HMCN2: variants seen among roughly 807,000 people sequenced by gnomAD.
HMCN2 encodes the protein hemicentin 2, also known as hemicentin-2.
HMCN2 carries 325 observed loss-of-function variants against 377.5 expected under a neutral mutation model. That is an observed-to-expected ratio of 0.86 (90% CI 0.79 to 0.94). HMCN2 has a LOEUF of 0.94. Among genes scored for constraint, HMCN2 ranks in the 40% least tolerant of loss-of-function variants. HMCN2 has a pLI of 0.00. For synonymous variants in HMCN2, 2,007 were observed against 2,046.8 expected, an observed-to-expected ratio of 0.98 and a Z score of 0.53; for missense variants, 4,543 against 4,725.3, an observed-to-expected ratio of 0.96 and a Z score of 1.13.
In HMCN2 at chr9:130,425,698, G is replaced by C; in HGVS notation, c.13653G>C (p.Glu4551Asp). Reference sequence around the variant, plus strand: ...TCTTCATCCTGCAGGACTTTGAGGAGCACTACGTGCAAACAGGGCCTGGCC... The same window carrying C: ...TCTTCATCCTGCAGGACTTTGAGGACCACTACGTGCAAACAGGGCCTGGCC... ...DADLQVQDFE[E>D]HYVQTGPGQL... The change falls in exon 90 of 98, where the codon GAG becomes GAC. Residue 4551 changes from glutamate to aspartate, a missense_variant. By Grantham distance (45) the Glu-to-Asp change is conservative. Around this residue, in one of 5 missense-constraint regions of HMCN2, gnomAD observed 1,155 missense variants for 1,157.7 expected, o/e 1.00. Transcript: ENST00000683500. 1.3e-6 allele frequency: 2 copies of C among 1,532,216 alleles called. No individual in the cohort carries two copies. The allele number at this position is 1,532,216 out of a possible 1,614,324, so 94.9% of individuals were successfully genotyped here.
At position 130,399,635 on chromosome 9, in the gene HMCN2, G is replaced by A. The variant is rs1381713710; in HGVS notation, c.11605+3G>A. The A allele has an allele frequency of 1.6e-6, 2 of 1,288,176 alleles. No homozygotes were observed. The highest frequency in any genetic ancestry group is 4.6e-5 in the Admixed American group (2 of 43,566). 79.8% of individuals were successfully genotyped at this position (1,288,176 alleles called of 1,614,324 possible). On this transcript the variant is annotated splice_donor_region_variant and intron_variant, in intron 76 of 97. Transcript: ENST00000683500. ...GCTCTACCAGGTGACCGTCCATGGT[G>A]AGTCGGGGCAGAGGTGGAGGGGGAC...
Position 130,393,682 on chromosome 9 carries a change from G to C in HMCN2, c.10235-60G>C. 3 of 1,199,872 alleles carry C rather than the reference G, an allele frequency of 2.5e-6. No homozygotes were observed. Among genetic ancestry groups the C allele is most frequent in the Non-Finnish European group, 2.1e-6 (2 of 945,780 alleles). 74.3% of individuals were successfully genotyped at this position (1,199,872 alleles called of 1,614,324 possible). A position where few individuals can be genotyped will look rare whatever the true frequency, so the allele number is the denominator to read the frequency against. ...CTGGAAGAGGTGATGTCTAAGCTGA[G>C]TACTGGAGATGAGAGTCCTGGAATA... is the stretch of plus-strand genomic sequence containing the variant. On this transcript the variant is annotated intron_variant, in intron 67 of 97. Coordinates refer to ENST00000683500, the MANE Select transcript of HMCN2 (RefSeq NM_001291815.2). The surrounding 1 kb of genome is among the most constrained non-coding windows in gnomAD (Gnocchi z 5.2).
intron 1 of HMCN2, among the ~76,000 whole-genome samples, chr9:130,267,013 A>G (rs1185004983): frequency 6.6e-6 from 1 of 151,844 alleles, no homozygotes; most frequent in Non-Finnish European, 1.5e-5. Context: ...TGGCGTGATC[A>G]CAGCTCGCTG....
At chr9:130,352,378 G>T (rs909983116) in intron 30 of HMCN2, among the ~76,000 whole-genome samples, 1 of 152,240 alleles carries the variant, frequency 6.6e-6, no homozygotes, top group Admixed American at 6.5e-5. Flanking sequence ...GTGCTAAAAA[G>T]CGGAGAGTAG....
chr9:130,268,275 C>T (rs1210252619), intron 1 of HMCN2, among the ~76,000 whole-genome samples: 1 of 152,194 alleles, frequency 6.6e-6, no homozygotes, highest in Non-Finnish European at 1.5e-5. Flanking sequence ...GTGGGCAGTT[C>T]TCCAGCCTTC....
At chr9:130,268,877 C>A (rs532521808) in intron 1 of HMCN2, among the ~76,000 whole-genome samples, 1 of 148,732 alleles carries the variant, frequency 6.7e-6, no homozygotes. Context: ...GATGCCTTGG[C>A]GGACTTGGAT....
At position 130,310,031 on chromosome 9, in the gene HMCN2, G is replaced by A. The variant is rs147718700; in HGVS notation, c.2320G>A (p.Ala774Thr). 8 of 533,712 alleles carry A rather than the reference G, an allele frequency of 1.5e-5. No individual in the cohort carries two copies. The East Asian group carries it at 1.6e-4, about 11-fold the overall frequency. The allele number at this position is 533,712 out of a possible 1,614,324, so 33.1% of individuals were successfully genotyped here. Reference protein sequence around the residue: ...TCRAVNELGDASAEIQLAVGH... With the variant: ...TCRAVNELGDTSAEIQLAVGH... ...CCGGGCTGTCAATGAGTTGGGTGAC[G>A]CCTCTGCAGAAATCCAGCTGGCGGT... The change falls in exon 15 of 98, where the codon GCC becomes ACC. Residue 774 changes from alanine (A) to threonine (T), a missense_variant. Ala to Thr is a moderately conservative substitution (Grantham distance 58). Around this residue, in one of 5 missense-constraint regions of HMCN2, gnomAD observed 547 missense variants for 189.9 expected, o/e 2.88. Coordinates refer to ENST00000683500, the MANE Select transcript of HMCN2 (RefSeq NM_001291815.2).
rs773254072 is a variant in HMCN2 at position 130,356,219 on chromosome 9, C to G, written c.5387C>G (p.Ala1796Gly). ...TTCGCCTGCCAGGCCACCAATGAGG[C>G]GGGCACTGCCGGGGCCGAGGTGGAG... Reference protein sequence around the residue: ...GLFACQATNEAGTAGAEVEVS... With the variant: ...GLFACQATNEGGTAGAEVEVS... The change falls in exon 34 of 98, where the codon GCG becomes GGG. Residue 1796 changes from alanine to glycine, a missense_variant. Transcript: ENST00000683500. 4.0e-5 allele frequency: 52 copies of G among 1,302,346 alleles called. No homozygotes were observed. The highest frequency in any genetic ancestry group is 5.3e-5 in the Non-Finnish European group (52 of 988,666). 80.7% of individuals were successfully genotyped at this position (1,302,346 alleles called of 1,614,324 possible).
intron 4 of HMCN2, among the ~76,000 whole-genome samples, chr9:130,287,551 T>TAAAA (rs142931668): frequency 1.1e-5 from 1 of 93,306 alleles, no homozygotes; most frequent in Non-Finnish European, 1.9e-5. Context: ...AACTCTGTCT[T>TAAAA]AAAAAAAAAA....
intron 34 of HMCN2, among the ~76,000 whole-genome samples, chr9:130,356,535 A>G (rs546255504): frequency 1.3e-5 from 2 of 152,148 alleles, no homozygotes; most frequent in South Asian, 4.1e-4. Flanking sequence ...CTTTTAATAT[A>G]TCAACCCTCT....
In HMCN2 at chr9:130,371,081, TCCGAGGGGAGGAG is replaced by T. The variant is rs530176902; in HGVS notation, c.7190_7202del (p.Arg2397LeufsTer17). ...ATCCCACCTCCAGCCATCCGCTGGT[TCCGAGGGGAGGAG>T]CCTGTCAGCCCCGGGGAGGACACCT... On this transcript the variant is annotated frameshift_variant, in exon 46 of 98. Coordinates refer to ENST00000683500, the MANE Select transcript of HMCN2 (RefSeq NM_001291815.2). LOFTEE classifies it high-confidence loss of function. The T allele has an allele frequency of 6.9e-5, 68 of 985,948 alleles. 1 individual carries two copies. In the South Asian group the frequency reaches 2.9e-3, roughly 42 times the overall value. The allele number at this position is 985,948 out of a possible 1,614,324, so 61.1% of individuals were successfully genotyped here. A position where few individuals can be genotyped will look rare whatever the true frequency, so the allele number is the denominator to read the frequency against.
rs1554935242 is a variant in HMCN2, at chr9:130,303,324, A to T, written c.1422-163A>T. On this transcript the variant is annotated intron_variant, in intron 9 of 97. Transcript: ENST00000683500. The surrounding 1 kb of genome is among the most constrained non-coding windows in gnomAD (Gnocchi z 5.2). ...AGGGCCTGACTCCAAGTCACACAGCATGTCATGGAATTTCCATGTGCTTGG... is the reference window on the plus strand; with the variant it reads ...AGGGCCTGACTCCAAGTCACACAGCTTGTCATGGAATTTCCATGTGCTTGG... Among the ~76,000 whole-genome samples the T allele has an allele frequency of 6.6e-6, 1 of 152,178 alleles. No individual in the cohort carries two copies.
intron 89 of HMCN2, among the ~76,000 whole-genome samples, chr9:130,425,372 G>A (rs1251516942): frequency 2.6e-5 from 4 of 152,082 alleles, no homozygotes; most frequent in African/African-American, 4.8e-5. Context: ...TCAAAAGCAC[G>A]AGTCCTGAAG....
chr9:130,327,483 C>G lies in HMCN2; in HGVS notation c.3359+8C>G, dbSNP rs1001278873. Reference sequence around the variant, plus strand: ...ACCGCCCATCACCAACAGGTAACCCCAGTCCCATGGCCTCAAGGGACAGAG... The same window carrying G: ...ACCGCCCATCACCAACAGGTAACCCGAGTCCCATGGCCTCAAGGGACAGAG... On this transcript the variant is annotated splice_region_variant and intron_variant, in intron 22 of 97. Coordinates refer to ENST00000683500, the MANE Select transcript of HMCN2 (RefSeq NM_001291815.2). 6.6e-6 allele frequency: 1 copy of G among 152,328 alleles called. No individual in the cohort carries two copies. Among genetic ancestry groups the G allele is most frequent in the Non-Finnish European group, 1.5e-5 (1 of 68,104 alleles). 9.4% of individuals were successfully genotyped at this position (152,328 alleles called of 1,614,324 possible).
intron 77 of HMCN2, 56 bp downstream of exon 77, chr9:130,401,003 C>T: frequency 8.1e-7 from 1 of 1,236,080 alleles, no homozygotes; most frequent in Non-Finnish European, 1.0e-6. Flanking sequence ...GGAGAGCAGG[C>T]AGAGGGGGTG....
intron 34 of HMCN2, 75 bp from the exon 35 acceptor site, chr9:130,357,759 C>T (rs1476327154): frequency 9.5e-6 from 11 of 1,156,368 alleles, no homozygotes; most frequent in South Asian, 3.0e-5. Context: ...CCCCAGGCAT[C>T]GAGGGGGTTG....
At chr9:130,386,642 C>T (rs1564841927) in intron 61 of HMCN2, 118 bp downstream of exon 61, 1 of 462,076 alleles carries the variant, frequency 2.2e-6, no homozygotes. Flanking sequence ...GCTGAAGGCA[C>T]AATGACTAGA....
In HMCN2 at chr9:130,427,633, C is replaced by T. The variant is rs556303102; in HGVS notation, c.14065+14C>T. On this transcript the variant is annotated intron_variant, in intron 92 of 97. Coordinates refer to ENST00000683500, the MANE Select transcript of HMCN2 (RefSeq NM_001291815.2). ...GGAACTGCAGAGGTGAGGGAGCTGC[C>T]GGGAGGAGGGAGGAGACGCGCTCCT... The T allele has an allele frequency of 2.0e-4, 317 of 1,547,050 alleles. 1 individual carries two copies. In the East Asian group the frequency reaches 5.8e-3, roughly 29 times the overall value.
chr9:130,299,408 T>G, intron 8 of HMCN2, 120 bp downstream of exon 8: 1 of 359,488 alleles, frequency 2.8e-6, no homozygotes, highest in South Asian at 2.2e-5. Context: ...TTCATTAAGC[T>G]TCTATGGACA....
Sources: gnomAD v4.1 joint callset for allele counts (sites outside exome capture counted in the v4.1 genomes callset) on GRCh38, gnomAD v4.1.1 for gene constraint, gnomAD v4.1.1 regional missense constraint, Gnocchi (gnomAD v3.1) non-coding constraint, MANE v1.5 for transcripts, NCBI Gene and HGNC (gene_info 2026-07-23, HGNC 2026-07-21) for gene names.